The following GPC5 variants were observed in gnomAD, a reference collection of about 807,000 sequenced individuals.
The protein encoded by GPC5 is glypican-5.
In GPC5, 47 loss-of-function variants were observed where a neutral mutation model predicts 53.9. That is an observed-to-expected ratio of 0.87 (90% CI 0.69 to 1.11). The LOEUF is 1.11. GPC5 is among the 50% of genes most tolerant of loss of function. The pLI, the probability that GPC5 is intolerant of heterozygous loss-of-function variation, is 0.00. For missense variants in GPC5, 748 were observed against 713.1 expected (o/e 1.05, Z -0.56); for synonymous variants, 286 against 263.3 (o/e 1.09, Z -0.84).
At chr13:92,842,963 C>T (rs1005737844) in intron 7 of GPC5, among the ~76,000 whole-genome samples, 3 of 152,124 alleles carry the variant, frequency 2.0e-5, no homozygotes, top group Non-Finnish European at 2.9e-5. Flanking sequence ...AATGAAACGA[C>T]ATAGATCCAC....
At position 91,414,035 on chromosome 13, in the gene GPC5, T is replaced by C. The variant is rs149266507; in HGVS notation, c.163+14826T>C. Reference sequence around the variant, plus strand: ...TATTGGTTTTATTTGCAGTTTTATCTTCATTGGAAGCCATTTCCCCCACTG... The same window carrying C: ...TATTGGTTTTATTTGCAGTTTTATCCTCATTGGAAGCCATTTCCCCCACTG... On this transcript the variant is annotated intron_variant, in intron 1 of 7. Transcript: ENST00000377067. Among the ~76,000 whole-genome samples the C allele has an allele frequency of 1.1e-4, 16 of 152,332 alleles. No individual in the cohort carries two copies. The East Asian group carries it at 3.1e-3, about 29-fold the overall frequency.
At position 92,200,002 on chromosome 13, in the gene GPC5, A is replaced by G. The variant is rs879598572; in HGVS notation, c.1561+55013A>G. Reference sequence around the variant, plus strand: ...TAGTATGTCATGCTGAAAAACACTTATACTTACCTAAGTCTTTGCTCAATG... The same window carrying G: ...TAGTATGTCATGCTGAAAAACACTTGTACTTACCTAAGTCTTTGCTCAATG... On this transcript the variant is annotated intron_variant, in intron 7 of 7. Coordinates refer to ENST00000377067, the MANE Select transcript of GPC5 (RefSeq NM_004466.6). 2.6e-5 allele frequency among the ~76,000 whole-genome samples: 4 copies of G among 152,200 alleles called. 1 individual carries two copies. The highest frequency in any genetic ancestry group is 2.6e-4 in the Admixed American group (4 of 15,270).
intron 2 of GPC5, among the ~76,000 whole-genome samples, chr13:91,637,724 T>C (rs1312862598): frequency 1.3e-5 from 2 of 152,174 alleles, no homozygotes; most frequent in African/African-American, 4.8e-5. Context: ...CAAAACAGTA[T>C]TGGCCATAAA....
intron 7 of GPC5, among the ~76,000 whole-genome samples, chr13:92,699,731 T>A (rs939523885): frequency 4.6e-5 from 7 of 152,132 alleles, no homozygotes; most frequent in African/African-American, 1.7e-4. Context: ...CATGTAGTTG[T>A]GCAATTTTGA....
chr13:91,579,624 C>CTTTTTTTTTTTT (rs3055895), intron 2 of GPC5, among the ~76,000 whole-genome samples: 72 of 102,606 alleles, frequency 7.0e-4, no homozygotes, highest in East Asian at 1.2e-3. Flanking sequence ...TTTTCTTTTT[C>CTTTTTTTTTTTT]TTTTTTTTTT....
chr13:91,526,061 G>A (rs2138626247), intron 2 of GPC5, among the ~76,000 whole-genome samples: 1 of 152,110 alleles, frequency 6.6e-6, no homozygotes, highest in South Asian at 2.1e-4. Flanking sequence ...AAGGTGATAT[G>A]GAAAAATTTC....
intron 7 of GPC5, among the ~76,000 whole-genome samples, chr13:92,169,743 TGTAAA>T (rs60391235): frequency 0.076 from 11,520 of 152,160 alleles, 528 homozygotes; most frequent in Non-Finnish European, 0.096. Flanking sequence ...TAGTAACAGC[TGTAAA>T]GTAAAGGCAA....
At chr13:91,973,764 G>A (rs539797063) in intron 6 of GPC5, among the ~76,000 whole-genome samples, 10 of 152,234 alleles carry the variant, frequency 6.6e-5, no homozygotes, top group African/African-American at 2.2e-4. Flanking sequence ...TGTCAGCAGC[G>A]GTGGCTGCAG....
At chr13:91,585,208 C>A (rs956147297) in intron 2 of GPC5, among the ~76,000 whole-genome samples, 1 of 152,076 alleles carries the variant, frequency 6.6e-6, no homozygotes, top group African/African-American at 2.4e-5. Flanking sequence ...CTGGTAGTAA[C>A]ATAGATTAGC....
At chr13:91,736,211 G>A (rs1273422290) in intron 4 of GPC5, among the ~76,000 whole-genome samples, 1 of 151,250 alleles carries the variant, frequency 6.6e-6, no homozygotes, top group African/African-American at 2.5e-5. Flanking sequence ...ATGTTCAAGG[G>A]TAAATTGTGA....
At chr13:92,501,080 C>A (rs1880166818) in intron 7 of GPC5, among the ~76,000 whole-genome samples, 1 of 151,994 alleles carries the variant, frequency 6.6e-6, no homozygotes, top group South Asian at 2.1e-4. Context: ...TGAAACCTTA[C>A]CTCACATATG....
intron 5 of GPC5, among the ~76,000 whole-genome samples, chr13:91,795,415 T>G (rs1854976): frequency 0.36 from 54,668 of 152,028 alleles, 11,147 homozygotes; most frequent in African/African-American, 0.56. Flanking sequence ...CTTTCTGTTT[T>G]GGGATCATTT....
intron 7 of GPC5, among the ~76,000 whole-genome samples, chr13:92,791,283 A>G (rs1242340514): frequency 6.6e-6 from 1 of 152,074 alleles, no homozygotes; most frequent in Non-Finnish European, 1.5e-5. Context: ...CACTAACTAA[A>G]AATTTAGCTG....
intron 7 of GPC5, among the ~76,000 whole-genome samples, chr13:92,633,294 C>T (rs1885315308): frequency 1.3e-5 from 2 of 151,952 alleles, no homozygotes; most frequent in Non-Finnish European, 2.9e-5. Flanking sequence ...TGGGTGGAGA[C>T]ACACCCAAAC....
chr13:91,790,587 G>T (rs2037948588), intron 5 of GPC5, among the ~76,000 whole-genome samples: 1 of 152,096 alleles, frequency 6.6e-6, no homozygotes, highest in Non-Finnish European at 1.5e-5. Flanking sequence ...GATTTCTATG[G>T]TGTAAATCAG....
At chr13:91,586,750 A>G (rs1427388274) in intron 2 of GPC5, among the ~76,000 whole-genome samples, 5 of 150,230 alleles carry the variant, frequency 3.3e-5, no homozygotes, top group Non-Finnish European at 1.5e-5. Flanking sequence ...GGGTGGGGAC[A>G]CAGAGCCAAA....
chr13:92,188,788 C>T (rs1008433619), intron 7 of GPC5, among the ~76,000 whole-genome samples: 2 of 152,120 alleles, frequency 1.3e-5, no homozygotes, highest in African/African-American at 4.8e-5. Flanking sequence ...TATTTGGTGG[C>T]CTTCCACTTT....
chr13:92,723,736 T>C (rs1431164775), intron 7 of GPC5, among the ~76,000 whole-genome samples: 1 of 151,754 alleles, frequency 6.6e-6, no homozygotes, highest in African/African-American at 2.4e-5. Context: ...TCATTTTAGG[T>C]TAGTTTCTTG....
intron 1 of GPC5, among the ~76,000 whole-genome samples, chr13:91,445,574 A>G (rs1024551661): frequency 2.0e-5 from 3 of 152,182 alleles, no homozygotes; most frequent in African/African-American, 7.2e-5. Flanking sequence ...TCCCAGCTAC[A>G]AGTGATTCTC....
Sources: gnomAD v4.1 joint callset for allele counts (sites outside exome capture counted in the v4.1 genomes callset) on GRCh38, gnomAD v4.1.1 for gene constraint, MANE v1.5 for transcripts, NCBI Gene and HGNC (gene_info 2026-07-23, HGNC 2026-07-21) for gene names.